The following NOP58 variants were observed in gnomAD, a reference collection of about 807,000 sequenced individuals.
The protein encoded by NOP58 is nucleolar protein 58.
In NOP58, 44 loss-of-function variants were observed where a neutral mutation model predicts 71.2. The observed-to-expected ratio is 0.62, with a 90% CI of 0.49 to 0.79. The LOEUF is 0.79. NOP58 is among the 30% of genes least tolerant of loss of function. NOP58 has a pLI of 0.00. For synonymous variants in NOP58, 228 were observed against 200.3 expected (o/e 1.14, Z -1.17); for missense variants, 538 against 620.2 (o/e 0.87, Z 1.41).
In NOP58 at chr2:202,303,037, T is replaced by G; in HGVS notation, c.1519T>G (p.Cys507Gly). ...KEEPLSEEEP[C>G]TSTAIASPEK... Reference sequence around the variant, plus strand: ...AGAACCACTTTCTGAGGAAGAACCATGTACCAGCACAGCAATTGCTGTATG... The same window carrying G: ...AGAACCACTTTCTGAGGAAGAACCAGGTACCAGCACAGCAATTGCTGTATG... Residue 507 changes from cysteine to glycine, a missense_variant, in exon 14 of 15, where the codon TGT (cysteine) becomes GGT (glycine). Transcript: ENST00000264279. The G allele has an allele frequency of 6.2e-7, 1 of 1,612,256 alleles. No individual in the cohort carries two copies. The highest frequency in any genetic ancestry group is 8.5e-7 in the Non-Finnish European group (1 of 1,179,858).
rs373831819 is a variant in NOP58, at chr2:202,287,702, C to T, written c.477C>T (p.Asp159=). ...TGAAGTTTAGCGCTGATAAAGTAGA[C>T]ACAATGATTGTTCAGGCAATTTGTA... ...YRLKFSADKV[D]TMIVQAISLL... The change falls in exon 6 of 15, where the codon GAC becomes GAT. Residue 159 remains aspartate (D), a synonymous_variant. Transcript: ENST00000264279. 115 of 1,612,770 alleles carry T rather than the reference C, an allele frequency of 7.1e-5. No individual in the cohort carries two copies. The highest frequency in any genetic ancestry group is 4.5e-5 in the Non-Finnish European group (53 of 1,178,924).
At chr2:202,270,037 T>A (rs1262806067) in intron 1 of NOP58, among the ~76,000 whole-genome samples, 1 of 152,208 alleles carries the variant, frequency 6.6e-6, no homozygotes, top group Non-Finnish European at 1.5e-5. Flanking sequence ...ATACCAAATG[T>A]CTATATAAAA....
chr2:202,296,228 G>A (rs985859522), intron 10 of NOP58, among the ~76,000 whole-genome samples: 8 of 151,576 alleles, frequency 5.3e-5, no homozygotes, highest in Non-Finnish European at 1.0e-4. Context: ...ATGGAGTCCC[G>A]CTCTGTCGCC....
chr2:202,299,746 A>C (rs1207153582), intron 12 of NOP58: 1 of 152,190 alleles, frequency 6.6e-6, no homozygotes, highest in African/African-American at 2.4e-5. Context: ...GGTTCTATGG[A>C]ATCTTTTCCA....
At chr2:202,287,547 C>T (rs1357542302) in intron 5 of NOP58, 113 bp from the exon 6 acceptor site, 4 of 722,728 alleles carry the variant, frequency 5.5e-6, no homozygotes, top group Non-Finnish European at 9.4e-6. Flanking sequence ...AATTACAGCT[C>T]TGACTACAGG....
At chr2:202,277,922 T>TG in intron 2 of NOP58, 28 bp from the exon 3 acceptor site, 5 of 1,257,888 alleles carry the variant, frequency 4.0e-6, no homozygotes, top group Non-Finnish European at 5.7e-6. Flanking sequence ...CCCAATAACA[T>TG]GTTTATCTCT....
At position 202,265,786 on chromosome 2, in the gene NOP58, G is replaced by A. The variant is rs1485823687; in HGVS notation, c.-156G>A. On this transcript the variant is annotated 5_prime_UTR_variant, in exon 1 of 15. Coordinates refer to ENST00000264279, the MANE Select transcript of NOP58 (RefSeq NM_015934.5). ...TCCTAGTTCCAGTACAGCGTGGAGG[G>A]TTTAGGCAGCGTGTTCTGATTCTTT... The A allele has an allele frequency of 1.3e-6, 1 of 751,676 alleles. No homozygotes were observed. Among genetic ancestry groups the A allele is most frequent in the Non-Finnish European group, 2.3e-6 (1 of 439,802 alleles). The allele number at this position is 751,676 out of a possible 1,614,324, so 46.6% of individuals were successfully genotyped here. A position where few individuals can be genotyped will look rare whatever the true frequency, so the allele number is the denominator to read the frequency against.
intron 9 of NOP58, among the ~76,000 whole-genome samples, chr2:202,294,001 A>G (rs1470492510): frequency 2.0e-5 from 3 of 151,926 alleles, no homozygotes; most frequent in Non-Finnish European, 2.9e-5. Flanking sequence ...GCAGTAAGCA[A>G]TGGCAGGGGT....
At chr2:202,297,321 A>G in intron 10 of NOP58, 58 bp from the exon 11 acceptor site, 1 of 1,470,068 alleles carries the variant, frequency 6.8e-7, no homozygotes, top group Non-Finnish European at 9.4e-7. Context: ...AAAACATCCA[A>G]GTTATTGAGG....
chr2:202,292,306 TA>T, intron 8 of NOP58, among the ~76,000 whole-genome samples: 1 of 152,120 alleles, frequency 6.6e-6, no homozygotes, highest in African/African-American at 2.4e-5. Context: ...TAGAATCTTT[TA>T]AAAATACAGT....
At chr2:202,280,383 GC>G (rs1688680392) in intron 3 of NOP58, among the ~76,000 whole-genome samples, 1 of 152,016 alleles carries the variant, frequency 6.6e-6, no homozygotes, top group Non-Finnish European at 1.5e-5. Context: ...GAGTGCAGTG[GC>G]ATGATCTCGG....
At position 202,275,541 on chromosome 2, in the gene NOP58, C is replaced by T. The variant is rs575922913; in HGVS notation, c.122+352C>T. ...TAATACCTTTTTTATCTTAACTAAG[C>T]ACTTACCGCACACAGGGGTTGTAAC... is the stretch of plus-strand genomic sequence containing the variant. On this transcript the variant is annotated intron_variant, in intron 2 of 14. Transcript: ENST00000264279. 9.3e-5 allele frequency: 16 copies of T among 171,442 alleles called. No individual in the cohort carries two copies. In the South Asian group the frequency reaches 1.1e-3, roughly 12 times the overall value. 10.6% of individuals were successfully genotyped at this position (171,442 alleles called of 1,614,324 possible). A position where few individuals can be genotyped will look rare whatever the true frequency, so the allele number is the denominator to read the frequency against.
chr2:202,283,982 A>ATT (rs1320552103), intron 4 of NOP58, among the ~76,000 whole-genome samples: 1 of 152,054 alleles, frequency 6.6e-6, no homozygotes, highest in Non-Finnish European at 1.5e-5. Context: ...CCACTTTAAT[A>ATT]TTTAGGAAAT....
Position 202,267,065 on chromosome 2 carries a change from T to C in NOP58, c.45+1079T>C, listed in dbSNP as rs186552491. Among the ~76,000 whole-genome samples the C allele has an allele frequency of 4.7e-3, 714 of 152,282 alleles. 4 individuals carry two copies. Among genetic ancestry groups the C allele is most frequent in the Non-Finnish European group, 6.5e-3 (439 of 68,014 alleles). On this transcript the variant is annotated intron_variant, in intron 1 of 14. Transcript: ENST00000264279. The stretch of plus-strand genomic sequence containing the variant: ...GACAAGTTCGTCAGCACTGAAATGG[T>C]TGAATGGTAAGACATTCGTATCGCA...
chr2:202,269,166 T>A (rs1688474066), intron 1 of NOP58, among the ~76,000 whole-genome samples: 1 of 151,440 alleles, frequency 6.6e-6, no homozygotes, highest in Admixed American at 6.6e-5. Flanking sequence ...TTTATTTATT[T>A]GTATTTGTAT....
chr2:202,271,377 G>A (rs1358051522), intron 1 of NOP58, among the ~76,000 whole-genome samples: 1 of 147,396 alleles, frequency 6.8e-6, no homozygotes, highest in African/African-American at 2.5e-5. Flanking sequence ...GCAACAGGGT[G>A]CAACCCCGAC....
intron 3 of NOP58, among the ~76,000 whole-genome samples, chr2:202,280,770 C>CTTTT (rs58033592): frequency 4.6e-5 from 6 of 131,172 alleles, no homozygotes; most frequent in South Asian, 2.4e-4. Flanking sequence ...ACTTGCAAGT[C>CTTTT]TTTTTTTTTT....
intron 13 of NOP58, 27 bp from the exon 14 acceptor site, chr2:202,302,894 T>C: frequency 1.3e-6 from 2 of 1,588,204 alleles, no homozygotes; most frequent in Non-Finnish European, 1.7e-6. Flanking sequence ...TGTTAATTTG[T>C]TGTGCCTTTA....
intron 6 of NOP58, among the ~76,000 whole-genome samples, chr2:202,289,199 G>A (rs758013517): frequency 8.6e-5 from 13 of 152,012 alleles, no homozygotes; most frequent in Non-Finnish European, 1.3e-4. Context: ...ACAGAACTGA[G>A]TTGCTTGTAC....
Sources: gnomAD v4.1 joint callset for allele counts (sites outside exome capture counted in the v4.1 genomes callset) on GRCh38, gnomAD v4.1.1 for gene constraint, MANE v1.5 for transcripts, NCBI Gene and HGNC (gene_info 2026-07-23, HGNC 2026-07-21) for gene names.